The following NCKAP5 variants were observed in gnomAD, a reference collection of about 807,000 sequenced individuals.
The protein encoded by NCKAP5 is NCK associated protein 5.
Under a neutral mutation model 167.0 loss-of-function variants are expected in NCKAP5, and 92 were observed. The ratio of observed to expected loss-of-function variants is 0.55; its 90% CI spans 0.47 to 0.66. The LOEUF (loss-of-function observed/expected upper bound fraction) is 0.66. NCKAP5 is among the 30% of genes least tolerant of loss of function. The pLI is 0.00. For missense variants in NCKAP5, 2,378 were observed against 2,315.0 expected (o/e 1.03, Z -0.56); for synonymous variants, 891 against 877.4 (o/e 1.02, Z -0.27).
chr2:133,234,469 G>A (rs117941856), intron 4 of NCKAP5, among the ~76,000 whole-genome samples: 23 of 152,206 alleles, frequency 1.5e-4, no homozygotes, highest in Non-Finnish European at 2.5e-4. Flanking sequence ...CTTGAAATAC[G>A]GCAGATCTAG....
chr2:133,251,838 C>A (rs936034104), intron 4 of NCKAP5, among the ~76,000 whole-genome samples: 1 of 152,068 alleles, frequency 6.6e-6, no homozygotes, highest in South Asian at 2.1e-4. Context: ...TTCCTTTTAA[C>A]AGCAATGAAG....
intron 16 of NCKAP5, among the ~76,000 whole-genome samples, chr2:132,737,908 T>C (rs1276252987): frequency 1.3e-5 from 2 of 152,258 alleles, no homozygotes; most frequent in African/African-American, 4.8e-5. Flanking sequence ...TTCTACAGAA[T>C]GGTAATTATA....
intron 3 of NCKAP5, among the ~76,000 whole-genome samples, chr2:133,389,392 C>T (rs1437467525): frequency 2.0e-5 from 3 of 152,208 alleles, no homozygotes; most frequent in Non-Finnish European, 1.5e-5. Context: ...AAATGTCACA[C>T]CTCATAATTT....
At chr2:132,773,549 G>C (rs1460385150) in intron 16 of NCKAP5, among the ~76,000 whole-genome samples, 4 of 152,180 alleles carry the variant, frequency 2.6e-5, no homozygotes, top group African/African-American at 7.2e-5. Flanking sequence ...GGATTACTCA[G>C]TATCACTTTC....
At chr2:133,236,767 C>A (rs1351085506) in intron 4 of NCKAP5, among the ~76,000 whole-genome samples, 1 of 152,128 alleles carries the variant, frequency 6.6e-6, no homozygotes, top group Non-Finnish European at 1.5e-5. Context: ...TCAAGTAAAT[C>A]CAATTAAAAT....
chr2:132,784,118 C>A lies in NCKAP5; in HGVS notation c.2693G>T (p.Arg898Met). ...PKSQTPGSRS[R>M]PAIESSDSGE... ...ACTGTCACTAGACTCAATGGCAGGC[C>A]TTGACCGTGACCCTGGAGTCTGACT... The change falls in exon 14 of 20, where the codon AGG (arginine) becomes ATG (methionine). Residue 898 changes from arginine to methionine, a missense_variant. Transcript: ENST00000409261. 6.6e-7 allele frequency: 1 copy of A among 1,522,378 alleles called. No homozygotes were observed. Among genetic ancestry groups the A allele is most frequent in the Non-Finnish European group, 8.8e-7 (1 of 1,137,454 alleles). 94.3% of individuals were successfully genotyped at this position (1,522,378 alleles called of 1,614,324 possible). A position where few individuals can be genotyped will look rare whatever the true frequency, so the allele number is the denominator to read the frequency against.
the NCKAP5 span, among the ~76,000 whole-genome samples, chr2:133,575,992 A>G: frequency 6.6e-6 from 1 of 152,208 alleles, no homozygotes; most frequent in African/African-American, 2.4e-5. Flanking sequence ...AGTTCCCTCC[A>G]TGCTAGCATG....
chr2:133,178,195 C>T (rs113614739), intron 5 of NCKAP5, among the ~76,000 whole-genome samples: 87 of 152,154 alleles, frequency 5.7e-4, no homozygotes, highest in African/African-American at 2.0e-3. Context: ...CAGGCAGAGC[C>T]GAAGGTTTAA....
At chr2:132,756,474 C>G (rs1401861466) in intron 16 of NCKAP5, among the ~76,000 whole-genome samples, 2 of 152,018 alleles carry the variant, frequency 1.3e-5, no homozygotes, top group African/African-American at 4.8e-5. Flanking sequence ...TTTGACAGAA[C>G]CCAAAACTAT....
intron 16 of NCKAP5, 83 bp from the exon 17 acceptor site, chr2:132,732,134 C>T (rs762125745): frequency 1.0e-5 from 14 of 1,344,196 alleles, no homozygotes; most frequent in Non-Finnish European, 1.1e-5. Context: ...GGGGTATGAT[C>T]TGGAGGAAAG....
intron 6 of NCKAP5, among the ~76,000 whole-genome samples, chr2:133,074,071 C>G (rs989434592): frequency 6.6e-6 from 1 of 152,198 alleles, no homozygotes; most frequent in Non-Finnish European, 1.5e-5. Context: ...TGTAAAACCT[C>G]TAACCATATC....
chr2:133,572,818 G>A (rs1290026760), upstream of NCKAP5, among the ~76,000 whole-genome samples: 1 of 152,104 alleles, frequency 6.6e-6, no homozygotes, highest in Non-Finnish European at 1.5e-5. Context: ...GTCTCAAGGG[G>A]CCTTGAGAAC....
intron 3 of NCKAP5, among the ~76,000 whole-genome samples, chr2:133,332,907 C>A (rs138914226): frequency 6.6e-6 from 1 of 152,172 alleles, no homozygotes; most frequent in Non-Finnish European, 1.5e-5. Context: ...AAGCCCTTCA[C>A]GGGCAAATCC....
chr2:132,715,943 C>T (rs1002518918), intron 19 of NCKAP5, among the ~76,000 whole-genome samples: 56 of 152,130 alleles, frequency 3.7e-4, no homozygotes, highest in African/African-American at 1.3e-3. Context: ...TTAATCTTTT[C>T]TTGGCTTCTT....
At position 133,220,975 on chromosome 2, in the gene NCKAP5, T is replaced by C. The variant is rs950472186; in HGVS notation, c.144-7196A>G. Among the ~76,000 whole-genome samples, 23 of 152,128 alleles carry C rather than the reference T, an allele frequency of 1.5e-4. 1 individual carries two copies. The highest frequency in any genetic ancestry group is 1.2e-4 in the Non-Finnish European group (8 of 68,034). On this transcript the variant is annotated intron_variant, in intron 4 of 19. Coordinates refer to ENST00000409261, the MANE Select transcript of NCKAP5 (RefSeq NM_207363.3). ...ATGGAAGAGCAGCAACGGCACTTAGTGTAAGTGGGAAGAATTATTTCTACT... is the reference window on the plus strand; with the variant it reads ...ATGGAAGAGCAGCAACGGCACTTAGCGTAAGTGGGAAGAATTATTTCTACT...
chr2:133,380,258 GAGA>G (rs1221916891), intron 3 of NCKAP5, among the ~76,000 whole-genome samples: 11 of 152,116 alleles, frequency 7.2e-5, no homozygotes, highest in Non-Finnish European at 1.3e-4. Context: ...TAGAGTTTGG[GAGA>G]AGATTTTTTT....
intron 3 of NCKAP5, among the ~76,000 whole-genome samples, chr2:133,443,073 T>C (rs1361111068): frequency 6.6e-6 from 1 of 152,230 alleles, no homozygotes; most frequent in Non-Finnish European, 1.5e-5. Flanking sequence ...TTCTGCCTGA[T>C]GGCAAAATAC....
intron 11 of NCKAP5, among the ~76,000 whole-genome samples, chr2:132,807,539 C>G (rs1214809894): frequency 6.6e-6 from 1 of 151,966 alleles, no homozygotes; most frequent in Non-Finnish European, 1.5e-5. Context: ...GGGTTGAGCT[C>G]TTGGTTTGAT....
intron 5 of NCKAP5, among the ~76,000 whole-genome samples, chr2:133,144,903 A>G (rs1171207824): frequency 1.3e-5 from 2 of 152,084 alleles, no homozygotes; most frequent in African/African-American, 4.8e-5. Flanking sequence ...TAACTCAACA[A>G]CTTACAAAGG....
Sources: gnomAD v4.1 joint callset for allele counts (sites outside exome capture counted in the v4.1 genomes callset) on GRCh38, gnomAD v4.1.1 for gene constraint, MANE v1.5 for transcripts, NCBI Gene and HGNC (gene_info 2026-07-23, HGNC 2026-07-21) for gene names.